Variants in CDC42BPA observed in about 807,000 individuals in gnomAD.
CDC42BPA encodes the protein serine/threonine-protein kinase MRCK alpha.
CDC42BPA carries 80 observed loss-of-function variants against 223.5 expected under a neutral mutation model. The observed-to-expected ratio is 0.36, with a 90% CI of 0.30 to 0.43. The LOEUF is 0.43. Ranked by LOEUF, CDC42BPA falls within the 20% of genes least tolerant of loss-of-function variation. The pLI, the probability that CDC42BPA is intolerant of heterozygous loss-of-function variation, is 1.00. For synonymous variants in CDC42BPA, 694 were observed against 718.6 expected, an observed-to-expected ratio of 0.97 and a Z score of 0.55; for missense variants, 1,743 against 2,099.9, an observed-to-expected ratio of 0.83 and a Z score of 3.32.
chr1:226,997,720 T>C (rs983233753), intron 35 of CDC42BPA, among the ~76,000 whole-genome samples: 2 of 152,222 alleles, frequency 1.3e-5, no homozygotes, highest in African/African-American at 4.8e-5. Context: ...CCAGTAGTCA[T>C]TCAAGAGCAG....
intron 10 of CDC42BPA, among the ~76,000 whole-genome samples, chr1:227,137,003 C>T (rs1320452088): frequency 6.6e-6 from 1 of 151,946 alleles, no homozygotes; most frequent in Non-Finnish European, 1.5e-5. Context: ...TAAAAAGATA[C>T]TTAAAATTAA....
At chr1:227,154,280 A>C (rs1488146683) in intron 6 of CDC42BPA, among the ~76,000 whole-genome samples, 1 of 151,926 alleles carries the variant, frequency 6.6e-6, no homozygotes, top group Non-Finnish European at 1.5e-5. Flanking sequence ...TTGATAAGAT[A>C]TATATACCAA....
Position 227,288,687 on chromosome 1 carries a change from C to T in CDC42BPA, c.178+28318G>A, listed in dbSNP as rs542583778. Among the ~76,000 whole-genome samples the T allele has an allele frequency of 6.6e-5, 10 of 151,392 alleles. 1 individual carries two copies. In the South Asian group the frequency reaches 2.1e-3, roughly 32 times the overall value. Reference sequence around the variant, plus strand: ...CTCCAGCCTGGGTGACAGACCAAGACTCGGTCTCAAAAAAAAAATTTTTAA... The same window carrying T: ...CTCCAGCCTGGGTGACAGACCAAGATTCGGTCTCAAAAAAAAAATTTTTAA... On this transcript the variant is annotated intron_variant, in intron 1 of 36. Coordinates refer to ENST00000366766, the MANE Select transcript of CDC42BPA (RefSeq NM_001394014.1).
intron 7 of CDC42BPA, among the ~76,000 whole-genome samples, chr1:227,147,028 A>G (rs994767052): frequency 3.3e-5 from 5 of 152,172 alleles, no homozygotes; most frequent in African/African-American, 1.2e-4. Flanking sequence ...TATTACCACT[A>G]AAGTTGAAAA....
intron 8 of CDC42BPA, among the ~76,000 whole-genome samples, 162 bp downstream of exon 8, chr1:227,145,327 A>T (rs1430839980): frequency 6.6e-6 from 1 of 152,190 alleles, no homozygotes; most frequent in South Asian, 2.1e-4. Flanking sequence ...CTTTCTTCTT[A>T]ATTTGATTTG....
intron 1 of CDC42BPA, among the ~76,000 whole-genome samples, chr1:227,263,159 G>A (rs1684385415): frequency 6.6e-6 from 1 of 152,206 alleles, no homozygotes; most frequent in Non-Finnish European, 1.5e-5. Context: ...CTGGAACCCG[G>A]GAGCTGAGGC....
intron 35 of CDC42BPA, among the ~76,000 whole-genome samples, chr1:227,000,632 G>A (rs1350419491): frequency 6.6e-6 from 1 of 152,190 alleles, no homozygotes; most frequent in Non-Finnish European, 1.5e-5. Context: ...CAAGACAGAA[G>A]GTGTGTGCTG....
chr1:227,065,081 A>C (rs1015258349), intron 21 of CDC42BPA, among the ~76,000 whole-genome samples: 2 of 141,126 alleles, frequency 1.4e-5, no homozygotes, highest in African/African-American at 3.0e-5. Context: ...TGTGTGAGAG[A>C]GCGAGACTCC....
At chr1:227,288,620 C>A (rs553664405) in intron 1 of CDC42BPA, among the ~76,000 whole-genome samples, 1 of 151,816 alleles carries the variant, frequency 6.6e-6, no homozygotes, top group Admixed American at 6.6e-5. Context: ...TGCTTGAACC[C>A]GGGAGGCGGG....
intron 5 of CDC42BPA, among the ~76,000 whole-genome samples, chr1:227,168,497 G>GTGTTTTTTTTTTTTTTTTT (rs1302291274): frequency 1.0e-3 from 84 of 80,208 alleles, no homozygotes; most frequent in African/African-American, 1.4e-3. Context: ...CTTCCCTGGT[G>GTGTTTTTTTTTTTTTTTTT]TTTTTTTTTT....
At position 227,161,857 on chromosome 1, in the gene CDC42BPA, T is replaced by C. The variant is rs528316526; in HGVS notation, c.600-1221A>G. ...AACCCCTATTGTAGATGATAGATGG[T>C]TGCTAAAGAGAGACAGGGTGATTGA... On this transcript the variant is annotated intron_variant, in intron 5 of 36. Coordinates refer to ENST00000366766, the MANE Select transcript of CDC42BPA (RefSeq NM_001394014.1). 2.6e-5 allele frequency among the ~76,000 whole-genome samples: 4 copies of C among 152,338 alleles called. No homozygotes were observed. In the South Asian group the frequency reaches 8.3e-4, roughly 32 times the overall value.
chr1:227,114,088 G>A (rs1444338299), intron 12 of CDC42BPA, among the ~76,000 whole-genome samples: 2 of 151,076 alleles, frequency 1.3e-5, no homozygotes, highest in African/African-American at 4.9e-5. Flanking sequence ...CATCACCACA[G>A]GAAGCTCTAC....
chr1:227,030,165 C>T (rs1391678679), intron 29 of CDC42BPA, among the ~76,000 whole-genome samples: 2 of 151,402 alleles, frequency 1.3e-5, no homozygotes, highest in Non-Finnish European at 2.9e-5. Context: ...AATCTGAGTT[C>T]GTACAGAACT....
intron 16 of CDC42BPA, among the ~76,000 whole-genome samples, chr1:227,084,846 C>T (rs995937420): frequency 2.0e-4 from 30 of 149,034 alleles, no homozygotes; most frequent in Admixed American, 2.0e-3. Flanking sequence ...GGTGTCTCTG[C>T]GTAACACTTG....
chr1:227,287,361 A>G (rs1347841995), intron 1 of CDC42BPA, among the ~76,000 whole-genome samples: 2 of 152,222 alleles, frequency 1.3e-5, no homozygotes, highest in Admixed American at 1.3e-4. Context: ...CTAACTGGTA[A>G]GAATGGCTCA....
chr1:227,238,737 A>G (rs1351756896), intron 2 of CDC42BPA, among the ~76,000 whole-genome samples: 1 of 152,232 alleles, frequency 6.6e-6, no homozygotes, highest in African/African-American at 2.4e-5. Flanking sequence ...AACGAGTACT[A>G]CCTTGAAGGG....
At chr1:227,210,008 A>G (rs1050503766) in intron 3 of CDC42BPA, among the ~76,000 whole-genome samples, 1 of 150,884 alleles carries the variant, frequency 6.6e-6, no homozygotes, top group Non-Finnish European at 1.5e-5. Flanking sequence ...TGGTTGGTAA[A>G]CTATTGATTA....
At chr1:227,090,081 G>A (rs1217774789) in intron 16 of CDC42BPA, among the ~76,000 whole-genome samples, 2 of 152,068 alleles carry the variant, frequency 1.3e-5, no homozygotes, top group Non-Finnish European at 2.9e-5. Flanking sequence ...AACTGTTAAA[G>A]TTCATGCACT....
intron 2 of CDC42BPA, among the ~76,000 whole-genome samples, chr1:227,236,952 A>C (rs1679151250): frequency 6.8e-6 from 1 of 146,382 alleles, no homozygotes; most frequent in Non-Finnish European, 1.5e-5. Context: ...CTGAGGTATG[A>C]GGATCAACTG....
Sources: gnomAD v4.1 joint callset for allele counts (sites outside exome capture counted in the v4.1 genomes callset) on GRCh38, gnomAD v4.1.1 for gene constraint, MANE v1.5 for transcripts, NCBI Gene and HGNC (gene_info 2026-07-23, HGNC 2026-07-21) for gene names.